Variants in SUGCT observed in about 807,000 individuals in gnomAD.
SUGCT encodes succinyl-CoA:glutarate-CoA transferase, also known as succinyl-CoA:glutarate CoA-transferase.
SUGCT carries 41 observed loss-of-function variants against 55.0 expected under a neutral mutation model. That is an observed-to-expected ratio of 0.74 (90% CI 0.58 to 0.97). The LOEUF (loss-of-function observed/expected upper bound fraction) is 0.97. Ranked by LOEUF, SUGCT falls within the 50% of genes least tolerant of loss-of-function variation. SUGCT has a pLI of 0.00. For synonymous variants in SUGCT, 187 were observed against 200.4 expected (o/e 0.93, Z 0.56); for missense variants, 568 against 547.8 (o/e 1.04, Z -0.37).
chr7:40,974,080 T>C, the SUGCT span, among the ~76,000 whole-genome samples: 1 of 152,190 alleles, frequency 6.6e-6, no homozygotes, highest in Admixed American at 6.5e-5. Flanking sequence ...CTCAAGATGG[T>C]TTATTTTTGT....
Position 40,446,970 on chromosome 7 carries a change from G to A in SUGCT, c.817-2317G>A, listed in dbSNP as rs112141276. ...ACAGGTTTATTGGAATGTAATTCAT[G>A]TACCATATAATTCACCCATTTATAG... On this transcript the variant is annotated intron_variant, in intron 9 of 13. Coordinates refer to ENST00000335693, the MANE Select transcript of SUGCT (RefSeq NM_001193313.2). Among the ~76,000 whole-genome samples, 264 of 152,240 alleles carry A rather than the reference G, an allele frequency of 1.7e-3. 3 individuals are homozygous for A. Among genetic ancestry groups the A allele is most frequent in the African/African-American group, 6.2e-3 (257 of 41,558 alleles).
the SUGCT span, among the ~76,000 whole-genome samples, chr7:40,936,958 T>A: frequency 6.6e-6 from 1 of 152,182 alleles, no homozygotes; most frequent in African/African-American, 2.4e-5. Flanking sequence ...GTATGTCATG[T>A]CAATTCTTTG....
chr7:41,004,192 G>T, the SUGCT span, among the ~76,000 whole-genome samples: 10 of 152,158 alleles, frequency 6.6e-5, no homozygotes, highest in Non-Finnish European at 1.5e-5. Context: ...GTCTCATTAG[G>T]CCTTCTGTCT....
chr7:40,523,937 T>C (rs1793681575), intron 12 of SUGCT, among the ~76,000 whole-genome samples: 1 of 152,112 alleles, frequency 6.6e-6, no homozygotes, highest in Non-Finnish European at 1.5e-5. Flanking sequence ...ATGGATCTAT[T>C]ATATATAGAT....
chr7:40,196,443 A>G (rs1179315670), intron 6 of SUGCT, among the ~76,000 whole-genome samples: 2 of 152,220 alleles, frequency 1.3e-5, no homozygotes, highest in Admixed American at 1.3e-4. Flanking sequence ...GAGCATTTAT[A>G]TGCTAGGTTA....
chr7:40,605,405 T>G (rs1277454053), intron 12 of SUGCT, among the ~76,000 whole-genome samples: 1 of 152,250 alleles, frequency 6.6e-6, no homozygotes, highest in Non-Finnish European at 1.5e-5. Flanking sequence ...AGATATTCCG[T>G]GTTTTTTTGG....
At chr7:40,287,634 C>T (rs1793441712) in intron 8 of SUGCT, among the ~76,000 whole-genome samples, 3 of 152,048 alleles carry the variant, frequency 2.0e-5, no homozygotes, top group Admixed American at 6.6e-5. Flanking sequence ...GTGGCTTGGA[C>T]TACACGCATA....
chr7:40,904,816 G>A, the SUGCT span, among the ~76,000 whole-genome samples: 17 of 152,274 alleles, frequency 1.1e-4, no homozygotes, highest in Admixed American at 9.2e-4. Context: ...GTATATATGT[G>A]TGTGTAAAAC....
chr7:40,986,926 C>T, the SUGCT span, among the ~76,000 whole-genome samples: 1 of 152,226 alleles, frequency 6.6e-6, no homozygotes, highest in Non-Finnish European at 1.5e-5. Context: ...CCACATCATC[C>T]TGTTTATCCA....
chr7:40,717,555 T>G (rs1786087353), intron 12 of SUGCT, among the ~76,000 whole-genome samples: 1 of 152,206 alleles, frequency 6.6e-6, no homozygotes, highest in Non-Finnish European at 1.5e-5. Flanking sequence ...ATGTAAACAC[T>G]TGTGGGGAAG....
intron 12 of SUGCT, among the ~76,000 whole-genome samples, chr7:40,568,033 C>T (rs770224528): frequency 6.6e-6 from 1 of 152,076 alleles, no homozygotes; most frequent in Admixed American, 6.6e-5. Flanking sequence ...CTCAATATAA[C>T]TTGGGTATTT....
chr7:40,292,072 A>C (rs1158982480), intron 8 of SUGCT, among the ~76,000 whole-genome samples: 1 of 152,226 alleles, frequency 6.6e-6, no homozygotes, highest in Non-Finnish European at 1.5e-5. Flanking sequence ...TTACAGCAGT[A>C]ACGGGAAACC....
At chr7:40,993,031 T>G in the SUGCT span, among the ~76,000 whole-genome samples, 1 of 152,148 alleles carries the variant, frequency 6.6e-6, no homozygotes, top group Admixed American at 6.6e-5. Context: ...TTTCTCAACC[T>G]TGGATATGTG....
At chr7:40,778,702 G>A (rs549272573) in intron 13 of SUGCT, among the ~76,000 whole-genome samples, 2 of 152,200 alleles carry the variant, frequency 1.3e-5, no homozygotes, top group East Asian at 1.9e-4. Context: ...TCTGCTTGGC[G>A]TAAAACTTAC....
chr7:40,855,343 TTCTTGTCTGCTTTATGAGAAC>T (rs1253030506), intron 13 of SUGCT, among the ~76,000 whole-genome samples: 1 of 152,002 alleles, frequency 6.6e-6, no homozygotes, highest in African/African-American at 2.4e-5. Flanking sequence ...TTTCCTGGGG[TTCTTGTCTGCTTTATGAGAAC>T]TCTTAGCTTC....
chr7:40,930,463 C>A, the SUGCT span, among the ~76,000 whole-genome samples: 2 of 152,222 alleles, frequency 1.3e-5, no homozygotes, highest in South Asian at 4.1e-4. Context: ...TGAAGAAAGT[C>A]ATTGGTAGCT....
At chr7:40,884,908 C>T in the SUGCT span, among the ~76,000 whole-genome samples, 1 of 152,176 alleles carries the variant, frequency 6.6e-6, no homozygotes. Context: ...TGGTTAAGAG[C>T]AGAGCCTTGG....
At chr7:40,239,848 T>C (rs1328405238) in intron 7 of SUGCT, among the ~76,000 whole-genome samples, 1 of 152,216 alleles carries the variant, frequency 6.6e-6, no homozygotes, top group African/African-American at 2.4e-5. Flanking sequence ...TCTCACACTG[T>C]ATTTCTTTCA....
chr7:40,760,394 G>C (rs1029596443), intron 13 of SUGCT, among the ~76,000 whole-genome samples: 2 of 152,100 alleles, frequency 1.3e-5, no homozygotes, highest in African/African-American at 4.8e-5. Context: ...AGTAGTCAAG[G>C]TCATAGACAC....
Sources: gnomAD v4.1 joint callset for allele counts (sites outside exome capture counted in the v4.1 genomes callset) on GRCh38, gnomAD v4.1.1 for gene constraint, MANE v1.5 for transcripts, NCBI Gene and HGNC (gene_info 2026-07-23, HGNC 2026-07-21) for gene names.